Variants in MMP16 observed in about 807,000 individuals in gnomAD.
MMP16 encodes matrix metallopeptidase 16.
Under a neutral mutation model 67.8 loss-of-function variants are expected in MMP16, and 12 were observed. That is an observed-to-expected ratio of 0.18 (90% CI 0.11 to 0.29). The LOEUF is 0.29. Among genes scored for constraint, MMP16 ranks in the 10% least tolerant of loss-of-function variants. The pLI, the probability that MMP16 is intolerant of heterozygous loss-of-function variation, is 1.00. For missense variants in MMP16, 475 were observed against 765.7 expected, an observed-to-expected ratio of 0.62 and a Z score of 4.48; for synonymous variants, 249 against 255.9, an observed-to-expected ratio of 0.97 and a Z score of 0.26.
At position 88,037,353 on chromosome 8, in the gene MMP16, CACTT is replaced by C. The variant is rs1337938137; in HGVS notation, c.*4104_*4107del. On this transcript the variant is annotated 3_prime_UTR_variant, in exon 10 of 10. Coordinates refer to ENST00000286614, the MANE Select transcript of MMP16 (RefSeq NM_005941.5). ...GATTATAGGTAATTATTAAAGGTAA[CACTT>C]GCTTATGTGTTAACAAAAAAAGATT... 1 of 151,518 alleles carries C rather than the reference CACTT, an allele frequency of 6.6e-6. No homozygotes were observed. Among genetic ancestry groups the C allele is most frequent in the Non-Finnish European group, 1.5e-5 (1 of 67,786 alleles). The allele number at this position is 151,518 out of a possible 1,614,324, so 9.4% of individuals were successfully genotyped here.
chr8:88,203,104 C>CTTTTTT (rs33928858), intron 1 of MMP16, among the ~76,000 whole-genome samples: 6 of 123,128 alleles, frequency 4.9e-5, no homozygotes, highest in South Asian at 2.6e-4. Context: ...ACCAGAACTT[C>CTTTTTT]TTTTTTTTTT....
chr8:88,071,137 T>A (rs573652354), intron 7 of MMP16, among the ~76,000 whole-genome samples: 1 of 152,096 alleles, frequency 6.6e-6, no homozygotes, highest in Non-Finnish European at 1.5e-5. Context: ...ATATCTAAAT[T>A]ACACCAAAAT....
In MMP16 at chr8:88,036,764, C is replaced by G. The variant is rs1808059710; in HGVS notation, c.*4697G>C. The G allele has an allele frequency of 6.6e-6, 1 of 151,616 alleles. No homozygotes were observed. Among genetic ancestry groups the G allele is most frequent in the African/African-American group, 2.4e-5 (1 of 41,342 alleles). 9.4% of individuals were successfully genotyped at this position (151,616 alleles called of 1,614,324 possible). ...AAATGCACATTTTTGGTTTATATAGCATATTCTATTTGACATCTGTGATAC... is the reference window on the plus strand; with the variant it reads ...AAATGCACATTTTTGGTTTATATAGGATATTCTATTTGACATCTGTGATAC... On this transcript the variant is annotated 3_prime_UTR_variant, in exon 10 of 10. Coordinates refer to ENST00000286614, the MANE Select transcript of MMP16 (RefSeq NM_005941.5).
At chr8:88,140,116 T>C (rs1320095280) in intron 4 of MMP16, among the ~76,000 whole-genome samples, 1 of 152,126 alleles carries the variant, frequency 6.6e-6, no homozygotes, top group Non-Finnish European at 1.5e-5. Flanking sequence ...TGCATTCTTC[T>C]CTAGACTTGA....
intron 7 of MMP16, chr8:88,069,269 C>T (rs1345391937): frequency 5.9e-6 from 2 of 338,364 alleles, no homozygotes; most frequent in South Asian, 2.5e-5. Flanking sequence ...ATGTAGAGGT[C>T]ATGCACATTT....
intron 1 of MMP16, among the ~76,000 whole-genome samples, chr8:88,261,702 C>T (rs1810390618): frequency 6.6e-6 from 1 of 151,628 alleles, no homozygotes; most frequent in East Asian, 1.9e-4. Flanking sequence ...ATGTTATATA[C>T]ATATACATAT....
chr8:88,221,145 G>T (rs1160118465), intron 1 of MMP16, among the ~76,000 whole-genome samples: 2 of 151,982 alleles, frequency 1.3e-5, no homozygotes, highest in Admixed American at 6.6e-5. Flanking sequence ...GGAGGGGTGG[G>T]GAGTGAGTGA....
rs535767361 is a variant in MMP16 at position 88,227,692 on chromosome 8, T to C, written c.133-30386A>G. Among the ~76,000 whole-genome samples the C allele has an allele frequency of 7.2e-5, 11 of 152,178 alleles. No individual in the cohort carries two copies. The East Asian group carries it at 1.9e-3, about 27-fold the overall frequency. ...TTTGTTCTTTCTAATGTATAAAGAC[T>C]GCTGTGTTTTCCACTCTTGCTCAAA... On this transcript the variant is annotated intron_variant, in intron 1 of 9. Coordinates refer to ENST00000286614, the MANE Select transcript of MMP16 (RefSeq NM_005941.5).
intron 1 of MMP16, among the ~76,000 whole-genome samples, chr8:88,323,937 A>G (rs1196010148): frequency 6.6e-6 from 1 of 152,174 alleles, no homozygotes; most frequent in Non-Finnish European, 1.5e-5. Flanking sequence ...ACTGCTGTCC[A>G]ATGACAACAG....
chr8:88,133,075 T>C (rs1042269441), intron 4 of MMP16, among the ~76,000 whole-genome samples: 4 of 152,004 alleles, frequency 2.6e-5, no homozygotes, highest in Middle Eastern at 3.4e-3. Context: ...CCTTTAACAC[T>C]GTACCTTTTT....
intron 1 of MMP16, among the ~76,000 whole-genome samples, chr8:88,228,415 T>C (rs1436151902): frequency 6.6e-6 from 1 of 152,102 alleles, no homozygotes; most frequent in Non-Finnish European, 1.5e-5. Flanking sequence ...GCCATCAAAG[T>C]GATTTTTATA....
chr8:88,100,708 C>A (rs1399898229), intron 6 of MMP16, among the ~76,000 whole-genome samples: 3 of 151,916 alleles, frequency 2.0e-5, no homozygotes, highest in Admixed American at 2.0e-4. Flanking sequence ...TTCACAATAG[C>A]AAAGACTTGG....
chr8:88,144,450 T>C (rs971580013), intron 4 of MMP16, among the ~76,000 whole-genome samples: 43 of 151,862 alleles, frequency 2.8e-4, no homozygotes, highest in Non-Finnish European at 4.9e-4. Flanking sequence ...TATATGTATA[T>C]GTGTGTGTAT....
intron 1 of MMP16, among the ~76,000 whole-genome samples, chr8:88,315,871 C>A (rs1811368685): frequency 6.6e-6 from 1 of 152,048 alleles, no homozygotes; most frequent in Non-Finnish European, 1.5e-5. Context: ...AACAGTTAGC[C>A]AAGTTGTAAA....
At chr8:88,256,345 CTCTT>C (rs1223777395) in intron 1 of MMP16, among the ~76,000 whole-genome samples, 1 of 152,098 alleles carries the variant, frequency 6.6e-6, no homozygotes, top group African/African-American at 2.4e-5. Context: ...CTAATGTTCT[CTCTT>C]TCTGAAATCA....
intron 6 of MMP16, among the ~76,000 whole-genome samples, chr8:88,079,905 C>T (rs1176078182): frequency 2.6e-5 from 4 of 152,138 alleles, no homozygotes; most frequent in African/African-American, 9.7e-5. Flanking sequence ...CTTAGACTTC[C>T]CAGTCTCCAG....
intron 2 of MMP16, among the ~76,000 whole-genome samples, chr8:88,192,793 G>C (rs1448586120): frequency 6.6e-6 from 1 of 152,022 alleles, no homozygotes; most frequent in Non-Finnish European, 1.5e-5. Context: ...GAAATGACTT[G>C]AAAAATCTAC....
At chr8:88,290,425 C>T (rs1012271401) in intron 1 of MMP16, among the ~76,000 whole-genome samples, 6 of 151,994 alleles carry the variant, frequency 3.9e-5, no homozygotes, top group Admixed American at 2.0e-4. Context: ...TGGTGGCGGG[C>T]ACCTGTACTT....
chr8:88,281,691 A>T (rs1483310476), intron 1 of MMP16, among the ~76,000 whole-genome samples: 2 of 152,154 alleles, frequency 1.3e-5, no homozygotes, highest in African/African-American at 4.8e-5. Flanking sequence ...TAGCTGTCCC[A>T]CACCTGGTAG....
Sources: allele counts gnomAD v4.1 joint callset (sites outside exome capture counted in the v4.1 genomes callset), GRCh38; gene constraint gnomAD v4.1.1; transcripts MANE v1.5; gene names NCBI Gene and HGNC (gene_info 2026-07-23, HGNC 2026-07-21).